The following GLIS3 variants were observed in gnomAD, a reference collection of about 807,000 sequenced individuals.
GLIS3 encodes the protein zinc finger protein GLIS3.
In GLIS3, 53 loss-of-function variants were observed where a neutral mutation model predicts 78.6. The observed-to-expected ratio is 0.67, with a 90% confidence interval of 0.54 to 0.85. The LOEUF (loss-of-function observed/expected upper bound fraction) is 0.85. Ranked by LOEUF, GLIS3 falls within the 40% of genes least tolerant of loss-of-function variation. GLIS3 has a pLI of 0.00. For missense variants in GLIS3, 1,703 were observed against 1,231.1 expected, an observed-to-expected ratio of 1.38 and a Z score of -5.74; for synonymous variants, 684 against 509.9, an observed-to-expected ratio of 1.34 and a Z score of -4.60.
the GLIS3 span, among the ~76,000 whole-genome samples, chr9:4,467,658 G>T: frequency 2.0e-4 from 30 of 152,160 alleles, no homozygotes; most frequent in African/African-American, 7.2e-4. Flanking sequence ...AACAAAGGTA[G>T]ATAAAACCAC....
intron 6 of GLIS3, among the ~76,000 whole-genome samples, chr9:3,912,673 C>T (rs1222054925): frequency 2.6e-5 from 4 of 152,026 alleles, no homozygotes; most frequent in African/African-American, 9.7e-5. Flanking sequence ...TTTTTTCTAG[C>T]TAGAAAATGA....
At chr9:4,108,498 T>A (rs1830947865) in intron 4 of GLIS3, among the ~76,000 whole-genome samples, 1 of 152,134 alleles carries the variant, frequency 6.6e-6, no homozygotes, top group South Asian at 2.1e-4. Flanking sequence ...AGTCCTCCAT[T>A]TCCGCTTCAT....
chr9:3,936,280 A>C (rs1825894602), intron 5 of GLIS3, among the ~76,000 whole-genome samples: 1 of 152,178 alleles, frequency 6.6e-6, no homozygotes, highest in Non-Finnish European at 1.5e-5. Context: ...AAACCTGGGA[A>C]ATGCAAAGGA....
chr9:4,368,697 G>C, the GLIS3 span, among the ~76,000 whole-genome samples: 1 of 152,278 alleles, frequency 6.6e-6, no homozygotes, highest in South Asian at 2.1e-4. Context: ...AAAACCTAAT[G>C]GATGACTTTG....
intron 2 of GLIS3, among the ~76,000 whole-genome samples, chr9:4,168,714 TC>T: frequency 1.3e-5 from 2 of 152,320 alleles, no homozygotes; most frequent in East Asian, 3.9e-4. Flanking sequence ...TCCAAACCTT[TC>T]AACAATGCCA....
intron 2 of GLIS3, among the ~76,000 whole-genome samples, chr9:4,261,146 C>T (rs1462698756): frequency 6.6e-6 from 1 of 152,188 alleles, no homozygotes; most frequent in Non-Finnish European, 1.5e-5. Context: ...TCTTGATTAA[C>T]TCATCCCAAG....
intron 4 of GLIS3, among the ~76,000 whole-genome samples, chr9:3,944,884 T>C (rs1389337893): frequency 6.6e-6 from 1 of 152,184 alleles, no homozygotes; most frequent in Non-Finnish European, 1.5e-5. Context: ...TTTCATACTG[T>C]GTCGTATCAT....
At chr9:3,955,512 T>A (rs73641235) in intron 4 of GLIS3, among the ~76,000 whole-genome samples, 1 of 152,036 alleles carries the variant, frequency 6.6e-6, no homozygotes, top group Admixed American at 6.5e-5. Context: ...ACAAGAGATA[T>A]TATATATGGT....
At chr9:3,909,732 T>C (rs889217012) in intron 6 of GLIS3, among the ~76,000 whole-genome samples, 3 of 152,158 alleles carry the variant, frequency 2.0e-5, no homozygotes, top group Non-Finnish European at 4.4e-5. Flanking sequence ...ATGGAAATTG[T>C]TCAAAGAAAC....
chr9:4,020,535 T>C (rs979331313), intron 4 of GLIS3, among the ~76,000 whole-genome samples: 1 of 152,188 alleles, frequency 6.6e-6, no homozygotes, highest in Non-Finnish European at 1.5e-5. Context: ...TTTTCATCCT[T>C]TCAACCAGTT....
At position 4,118,473 on chromosome 9, in the gene GLIS3, C is replaced by T. The variant is rs1831902114; in HGVS notation, c.1005G>A (p.Arg335=). The T allele has an allele frequency of 6.2e-7, 1 of 1,613,988 alleles. No homozygotes were observed. Among genetic ancestry groups the T allele is most frequent in the Non-Finnish European group, 8.5e-7 (1 of 1,180,018 alleles). ...TSLVAYINGS[R]ASPANLSPQP... ...GCGGGGACAGGTTGGCCGGCGAAGC[C>T]CTCGACCCGTTGATGTAGGCCACCA... Residue 335 remains arginine, a synonymous_variant, in exon 4 of 11, where the codon AGG becomes AGA. Transcript: ENST00000381971. This position sits in a 1 kb window ranked among gnomAD's most constrained non-coding sequence, Gnocchi z 4.7.
At chr9:4,397,691 AGGG>A in the GLIS3 span, among the ~76,000 whole-genome samples, 131 of 3,778 alleles carry the variant, frequency 0.035, 2 homozygotes, top group African/African-American at 0.047. Context: ...GGAGGGAGGG[AGGG>A]AGGGAGGGAG....
intron 4 of GLIS3, among the ~76,000 whole-genome samples, chr9:4,018,019 A>C (rs988779884): frequency 6.6e-6 from 1 of 152,194 alleles, no homozygotes; most frequent in African/African-American, 2.4e-5. Flanking sequence ...ACCTACTTCT[A>C]ATAAAACACA....
intron 2 of GLIS3, among the ~76,000 whole-genome samples, chr9:4,161,444 C>T (rs1835467465): frequency 6.6e-6 from 1 of 152,078 alleles, no homozygotes; most frequent in South Asian, 2.1e-4. Context: ...AGCCCCATGA[C>T]AAATAAAGGG....
chr9:3,862,695 G>A (rs534013357), intron 8 of GLIS3, among the ~76,000 whole-genome samples: 5 of 152,258 alleles, frequency 3.3e-5, no homozygotes, highest in South Asian at 2.1e-4. Context: ...AGGAATTTGT[G>A]TTTTTACACG....
At position 3,826,036 on chromosome 9, in the gene GLIS3, C is replaced by CA. The variant is rs1397218181; in HGVS notation, c.*2235dup. ...AGCCTGGTTCACAAGCAGCTCCTCTCAAAGAGGGAGGTGATGTCCATGGTT... is the reference window on the plus strand; with the variant it reads ...AGCCTGGTTCACAAGCAGCTCCTCTCAAAAGAGGGAGGTGATGTCCATGGTT... On this transcript the variant is annotated 3_prime_UTR_variant, in exon 11 of 11. Transcript: ENST00000381971. 6.6e-6 allele frequency: 1 copy of CA among 152,190 alleles called. No individual in the cohort carries two copies. Among genetic ancestry groups the CA allele is most frequent in the East Asian group, 1.9e-4 (1 of 5,182 alleles). 9.4% of individuals were successfully genotyped at this position (152,190 alleles called of 1,614,324 possible). A position where few individuals can be genotyped will look rare whatever the true frequency, so the allele number is the denominator to read the frequency against.
chr9:4,037,757 T>A (rs1443017639), intron 4 of GLIS3, among the ~76,000 whole-genome samples: 1 of 152,232 alleles, frequency 6.6e-6, no homozygotes, highest in Non-Finnish European at 1.5e-5. Context: ...CGTGCCCTTA[T>A]GGTCACTTAA....
rs1202875788 is a variant in GLIS3 at position 3,827,532 on chromosome 9, C to A, written c.*740G>T. 6.6e-6 allele frequency: 1 copy of A among 152,508 alleles called. No homozygotes were observed. Among genetic ancestry groups the A allele is most frequent in the Non-Finnish European group, 1.5e-5 (1 of 68,334 alleles). 9.4% of individuals were successfully genotyped at this position (152,508 alleles called of 1,614,324 possible). Reference sequence around the variant, plus strand: ...ATGCTAGAGGTGGGGCCAGGCAGAACCACAGCTGTGCAAAATGTCTATAGC... The same window carrying A: ...ATGCTAGAGGTGGGGCCAGGCAGAAACACAGCTGTGCAAAATGTCTATAGC... On this transcript the variant is annotated 3_prime_UTR_variant, in exon 11 of 11. Transcript: ENST00000381971.
chr9:4,317,337 G>C (rs780459539), intron 2 of GLIS3, among the ~76,000 whole-genome samples: 5 of 152,160 alleles, frequency 3.3e-5, no homozygotes, highest in Non-Finnish European at 7.3e-5. Flanking sequence ...GTTTTTTACA[G>C]TACTGATGCC....
Sources: gnomAD v4.1 joint callset for allele counts (sites outside exome capture counted in the v4.1 genomes callset) on GRCh38, gnomAD v4.1.1 for gene constraint, Gnocchi (gnomAD v3.1) non-coding constraint, MANE v1.5 for transcripts, NCBI Gene and HGNC (gene_info 2026-07-23, HGNC 2026-07-21) for gene names.